COL9A1: variants seen among roughly 807,000 people sequenced by gnomAD.
COL9A1 encodes the protein collagen alpha-1(IX) chain.
A neutral mutation model predicts 142.6 loss-of-function variants in COL9A1; 104 were observed. The ratio of observed to expected loss-of-function variants is 0.73; its 90% CI spans 0.62 to 0.86. COL9A1 has a LOEUF of 0.86. Ranked by LOEUF, COL9A1 falls within the 40% of genes least tolerant of loss-of-function variation. COL9A1 has a pLI of 0.00. For missense variants in COL9A1, 1,210 were observed against 1,176.6 expected (o/e 1.03, Z -0.42); for synonymous variants, 466 against 396.0 (o/e 1.18, Z -2.10).
chr6:70,232,392 G>C (rs979419131), intron 36 of COL9A1, among the ~76,000 whole-genome samples, 191 bp downstream of exon 36: 1 of 152,176 alleles, frequency 6.6e-6, no homozygotes, highest in African/African-American at 2.4e-5. Flanking sequence ...CTACTGTTGT[G>C]GTAGAGCAGG....
At chr6:70,261,486 C>T (rs1771685645) in intron 19 of COL9A1, among the ~76,000 whole-genome samples, 2 of 152,156 alleles carry the variant, frequency 1.3e-5, no homozygotes, top group South Asian at 4.1e-4. Context: ...GGGGTAGCTA[C>T]TTCTGGACAA....
intron 36 of COL9A1, among the ~76,000 whole-genome samples, chr6:70,228,542 A>C (rs1421550196): frequency 6.6e-6 from 1 of 152,098 alleles, no homozygotes; most frequent in Non-Finnish European, 1.5e-5. Flanking sequence ...GCCTCATTCA[A>C]TATTAAGTCA....
intron 28 of COL9A1, among the ~76,000 whole-genome samples, chr6:70,246,672 C>T (rs1770630509): frequency 6.6e-6 from 1 of 152,146 alleles, no homozygotes; most frequent in Non-Finnish European, 1.5e-5. Flanking sequence ...AAATGCCCAC[C>T]ACCAAAGTTC....
intron 18 of COL9A1, among the ~76,000 whole-genome samples, chr6:70,264,521 T>C (rs1583289583): frequency 6.6e-6 from 1 of 152,042 alleles, no homozygotes; most frequent in African/African-American, 2.4e-5. Flanking sequence ...ATAATCATCA[T>C]GTGTGCCTAA....
At chr6:70,224,803 T>C (rs1184126915) in intron 37 of COL9A1, among the ~76,000 whole-genome samples, 3 of 152,218 alleles carry the variant, frequency 2.0e-5, no homozygotes, top group Non-Finnish European at 4.4e-5. Context: ...CCATTTCCAA[T>C]TATAAAAATT....
rs921934112 is a variant in COL9A1 at position 70,216,258 on chromosome 6, C to T, written c.*639G>A. 2 of 152,600 alleles carry T rather than the reference C, an allele frequency of 1.3e-5. No homozygotes were observed. The highest frequency in any genetic ancestry group is 4.8e-5 in the African/African-American group (2 of 41,412). 9.5% of individuals were successfully genotyped at this position (152,600 alleles called of 1,614,324 possible). ...TTATTTCTTTGCTTTCACATAGAAG[C>T]GCTCAAAATATTAACAGGTTTGGGG... is the stretch of plus-strand genomic sequence containing the variant. On this transcript the variant is annotated 3_prime_UTR_variant, in exon 38 of 38. Coordinates refer to ENST00000357250, the MANE Select transcript of COL9A1 (RefSeq NM_001851.6).
Position 70,252,151 on chromosome 6 carries a change from T to C in COL9A1, c.1841A>G (p.Glu614Gly). Reference sequence around the variant, plus strand: ...CCCCTGGGGTCCTCGGGGTCCCACCTCTCCTGGAGGCCCCTGTTGGCCCTG... The same window carrying C: ...CCCCTGGGGTCCTCGGGGTCCCACCCCTCCTGGAGGCCCCTGTTGGCCCTG... ...GKPGQQGPPG[E>G]VGPRGPQGLP... The change falls in exon 28 of 38, where the codon GAG (glutamate) becomes GGG (glycine). Residue 614 changes from glutamate (E) to glycine (G), a missense_variant. Physicochemically the swap from Glu to Gly is moderately conservative, Grantham distance 98. Transcript: ENST00000357250. The C allele has an allele frequency of 6.2e-7, 1 of 1,614,052 alleles. No homozygotes were observed. Among genetic ancestry groups the C allele is most frequent in the African/African-American group, 1.3e-5 (1 of 75,002 alleles).
chr6:70,265,861 T>C (rs1039524790), intron 18 of COL9A1, among the ~76,000 whole-genome samples: 3 of 152,182 alleles, frequency 2.0e-5, no homozygotes, highest in Non-Finnish European at 4.4e-5. Context: ...AGGGTATTAA[T>C]GCCTGAAGAC....
At chr6:70,260,627 G>C in intron 20 of COL9A1, 30 bp downstream of exon 20, 1 of 1,593,174 alleles carries the variant, frequency 6.3e-7, no homozygotes, top group Non-Finnish European at 8.6e-7. Flanking sequence ...AACACATTTT[G>C]GTATTATATT....
intron 12 of COL9A1, chr6:70,273,844 T>C (rs1772560891): frequency 4.0e-6 from 1 of 248,064 alleles, no homozygotes; most frequent in South Asian, 1.6e-4. Context: ...ATTTTTCCAC[T>C]CATAGTAGAA....
At chr6:70,257,488 A>C (rs952562479) in intron 20 of COL9A1, among the ~76,000 whole-genome samples, 7 of 152,190 alleles carry the variant, frequency 4.6e-5, no homozygotes, top group Non-Finnish European at 1.0e-4. Flanking sequence ...AGGGTTCTTA[A>C]CATTTCTATA....
At chr6:70,295,562 A>C (rs1773823229) in intron 4 of COL9A1, among the ~76,000 whole-genome samples, 1 of 152,068 alleles carries the variant, frequency 6.6e-6, no homozygotes, top group Admixed American at 6.6e-5. Flanking sequence ...TGCTGGGATT[A>C]CAGGTGTGAG....
rs557848143 is a variant in COL9A1, at chr6:70,299,088, T to A, written c.299+955A>T. On this transcript the variant is annotated intron_variant, in intron 4 of 37. Coordinates refer to ENST00000357250, the MANE Select transcript of COL9A1 (RefSeq NM_001851.6). ...TGAAATTAATGTTAATTAGTAAATT[T>A]ATAGAAAGAGCTCATATAATGTACT... Among the ~76,000 whole-genome samples, 51 of 152,270 alleles carry A rather than the reference T, an allele frequency of 3.3e-4. 1 individual carries two copies. Among genetic ancestry groups the A allele is most frequent in the South Asian group, 8.3e-4 (4 of 4,824 alleles).
chr6:70,234,587 C>T lies in COL9A1; in HGVS notation c.2266G>A (p.Ala756Thr), dbSNP rs1769777207. 6.2e-7 allele frequency: 1 copy of T among 1,614,174 alleles called. No individual in the cohort carries two copies. Among genetic ancestry groups the T allele is most frequent in the Non-Finnish European group, 8.5e-7 (1 of 1,180,024 alleles). Residue 756 changes from alanine (A) to threonine (T), a missense_variant, in exon 35 of 38, where the codon GCA becomes ACA. By Grantham distance (58) the Ala-to-Thr change is moderately conservative. Transcript: ENST00000357250. ...TGCTTAATGTGCTGATCTGTCGGTG[C>T]TCTACCCTGGGACAGAAAAGAAAAA... ...LPGVQGPPGR[A>T]PTDQHIKQVC...
chr6:70,263,593 A>G (rs1771831525), intron 18 of COL9A1, among the ~76,000 whole-genome samples: 1 of 151,960 alleles, frequency 6.6e-6, no homozygotes, highest in South Asian at 2.1e-4. Flanking sequence ...AGGAAGAGAG[A>G]CAAAGATATC....
Position 70,253,419 on chromosome 6 carries a change from C to T in COL9A1, c.1730G>A (p.Gly577Glu). 1 of 1,606,630 alleles carries T rather than the reference C, an allele frequency of 6.2e-7. No homozygotes were observed. The highest frequency in any genetic ancestry group is 8.5e-7 in the Non-Finnish European group (1 of 1,173,780). ...AGLQGLPGVP[G>E]IPGAKGVAGE... is the part of the protein sequence containing the mutation. ...AGCAACACCCTTTGCACCAGGAATT[C>T]CAGGTACACCCTAAAAGAATACATA... Residue 577 changes from glycine to glutamate, a missense_variant, in exon 26 of 38, where the codon GGA (glycine) becomes GAA (glutamate). By Grantham distance (98) the Gly-to-Glu change is moderately conservative. Transcript: ENST00000357250.
chr6:70,254,943 G>C lies in COL9A1; in HGVS notation c.1665+20C>G, dbSNP rs1388265270. On this transcript the variant is annotated intron_variant, in intron 24 of 37. Transcript: ENST00000357250. ...GCAGAGACAGCCCCACTCACTCTTG[G>C]AGTAAATTACACAGCCTACCTTTGT... 6 of 1,612,744 alleles carry C rather than the reference G, an allele frequency of 3.7e-6. No homozygotes were observed. Among genetic ancestry groups the C allele is most frequent in the Non-Finnish European group, 5.1e-6 (6 of 1,178,940 alleles).
At chr6:70,269,772 T>C in intron 15 of COL9A1, 107 bp from the exon 16 acceptor site, 1 of 722,556 alleles carries the variant, frequency 1.4e-6, no homozygotes, top group Non-Finnish European at 2.4e-6. Context: ...ATTTGTTTAA[T>C]AAAATATAAG....
intron 10 of COL9A1, chr6:70,279,905 A>G (rs1023533741): frequency 9.3e-6 from 5 of 537,618 alleles, no homozygotes; most frequent in Non-Finnish European, 1.7e-5. Flanking sequence ...TGGAAAACAC[A>G]TAAAGTGGTA....
Sources: allele counts gnomAD v4.1 joint callset (sites outside exome capture counted in the v4.1 genomes callset), GRCh38; gene constraint gnomAD v4.1.1; transcripts MANE v1.5; gene names NCBI Gene and HGNC (gene_info 2026-07-23, HGNC 2026-07-21).